Variants in ZNF391 observed in about 807,000 individuals in gnomAD.
ZNF391 encodes the protein zinc finger protein 391.
For missense variants in ZNF391, 375 were observed against 425.5 expected (o/e 0.88, Z 1.04); for synonymous variants, 126 against 142.1 (o/e 0.89, Z 0.80).
chr6:27,385,484 G>A (rs1349809580), upstream of ZNF391, among the ~76,000 whole-genome samples: 1 of 152,092 alleles, frequency 6.6e-6, no homozygotes. Flanking sequence ...GAAAGCAGAA[G>A]TAGCTACATT....
At chr6:27,382,542 T>G (rs1386729634) in intron 1 of ZNF391, among the ~76,000 whole-genome samples, 1 of 152,096 alleles carries the variant, frequency 6.6e-6, no homozygotes, top group Non-Finnish European at 1.5e-5. Flanking sequence ...GGAACCAGAC[T>G]CACATATGGT....
At chr6:27,391,592 C>G (rs937844893) in intron 1 of ZNF391, among the ~76,000 whole-genome samples, 10 of 152,116 alleles carry the variant, frequency 6.6e-5, no homozygotes, top group Non-Finnish European at 1.3e-4. Context: ...AAAATAAAAC[C>G]AAGAGGAGGC....
Position 27,403,584 on chromosome 6 carries a change from A to ATC in ZNF391, c.*2138_*2139insCT, listed in dbSNP as rs1762027234. 2 of 152,246 alleles carry ATC rather than the reference A, an allele frequency of 1.3e-5. No homozygotes were observed. The allele number at this position is 152,246 out of a possible 1,614,324, so 9.4% of individuals were successfully genotyped here. A position where few individuals can be genotyped will look rare whatever the true frequency, so the allele number is the denominator to read the frequency against. ...TCATCCTAAATCTTTTATAAGCCTC[A>ATC]TATAATACATAGTACAATGCCAGCC... is the stretch of plus-strand genomic sequence containing the variant. On this transcript the variant is annotated 3_prime_UTR_variant, in exon 3 of 3. Coordinates refer to ENST00000244576, the MANE Select transcript of ZNF391 (RefSeq NM_001076781.3).
upstream of ZNF391, among the ~76,000 whole-genome samples, chr6:27,386,164 C>A (rs146422498): frequency 1.3e-5 from 2 of 151,986 alleles, no homozygotes; most frequent in East Asian, 3.8e-4. Context: ...TGAATATATA[C>A]ATATTAGAAA....
upstream of ZNF391, among the ~76,000 whole-genome samples, chr6:27,384,192 G>A (rs1226954851): frequency 6.6e-6 from 1 of 152,106 alleles, no homozygotes; most frequent in African/African-American, 2.4e-5. Context: ...GGCTGGGTGT[G>A]GTGGCTCAAG....
intron 1 of ZNF391, among the ~76,000 whole-genome samples, chr6:27,381,636 G>A (rs929747576): frequency 1.3e-5 from 2 of 152,222 alleles, no homozygotes; most frequent in Non-Finnish European, 1.5e-5. Flanking sequence ...CTACTTAGGA[G>A]GCTGAGGTGG....
chr6:27,391,967 C>T (rs528013456), intron 1 of ZNF391, among the ~76,000 whole-genome samples: 13 of 152,246 alleles, frequency 8.5e-5, no homozygotes, highest in Middle Eastern at 3.4e-3. Flanking sequence ...TAGTTCTCTC[C>T]CCTTAGTCTA....
Position 27,400,705 on chromosome 6 carries a change from A to G in ZNF391, c.335A>G (p.Asn112Ser), listed in dbSNP as rs778800610. 1.1e-5 allele frequency: 17 copies of G among 1,613,864 alleles called. No individual in the cohort carries two copies. The South Asian group carries it at 1.8e-4, about 17-fold the overall frequency. ...LFSQRKPCKC[N>S]ECEKAFSYQS... is the part of the protein sequence containing the mutation. ...TCACAAAGAAAACCTTGTAAATGCA[A>G]TGAATGTGAAAAAGCCTTTAGTTAC... Residue 112 changes from asparagine to serine, a missense_variant, in exon 3 of 3, where the codon AAT becomes AGT. By Grantham distance (46) the Asn-to-Ser change is conservative. Coordinates refer to ENST00000244576, the MANE Select transcript of ZNF391 (RefSeq NM_001076781.3).
Position 27,403,227 on chromosome 6 carries a change from A to C in ZNF391, c.*1780A>C, listed in dbSNP as rs1247065526. On this transcript the variant is annotated 3_prime_UTR_variant, in exon 3 of 3. Transcript: ENST00000244576. The stretch of plus-strand genomic sequence containing the variant: ...CTAAAGGTCTTTCATAGTTTGATCT[A>C]CTTACTTACTTCCTTTCTCTTCTCA... 2.0e-5 allele frequency: 3 copies of C among 152,130 alleles called. No homozygotes were observed. Among genetic ancestry groups the C allele is most frequent in the African/African-American group, 7.2e-5 (3 of 41,414 alleles). 9.4% of individuals were successfully genotyped at this position (152,130 alleles called of 1,614,324 possible).
intron 1 of ZNF391, among the ~76,000 whole-genome samples, chr6:27,395,737 T>C (rs985118662): frequency 3.3e-5 from 5 of 152,182 alleles, no homozygotes; most frequent in African/African-American, 1.2e-4. Context: ...TTCTGCCTAC[T>C]TTTAGATATC....
chr6:27,379,631 G>A (rs1761467763), intron 1 of ZNF391, among the ~76,000 whole-genome samples: 2 of 152,046 alleles, frequency 1.3e-5, no homozygotes, highest in South Asian at 4.1e-4. Flanking sequence ...CCATACTTTT[G>A]TGAGTTTTAC....
At chr6:27,392,124 A>G (rs1761727268) in intron 1 of ZNF391, among the ~76,000 whole-genome samples, 1 of 152,236 alleles carries the variant, frequency 6.6e-6, no homozygotes, top group African/African-American at 2.4e-5. Flanking sequence ...GTTTCTATAT[A>G]GCTACCAATG....
At chr6:27,387,460 CAA>C (rs1761601199), upstream of ZNF391, among the ~76,000 whole-genome samples, 1 of 152,066 alleles carries the variant, frequency 6.6e-6, no homozygotes, top group Non-Finnish European at 1.5e-5. Flanking sequence ...AAGTGTTCAA[CAA>C]GAGATTAATG....
In ZNF391 at chr6:27,401,215, G is replaced by C; in HGVS notation, c.845G>C (p.Cys282Ser). The change falls in exon 3 of 3, where the codon TGT (cysteine) becomes TCT (serine). Residue 282 changes from cysteine to serine, a missense_variant. Transcript: ENST00000244576. Reference sequence around the variant, plus strand: ...GAGAACCCCTATGAGTGCAGTGAATGTGGGAAAGTGTTCAGTCGAAGCTCG... The same window carrying C: ...GAGAACCCCTATGAGTGCAGTGAATCTGGGAAAGTGTTCAGTCGAAGCTCG... The part of the protein sequence containing the change: ...TGENPYECSE[C>S]GKVFSRSSSL... The C allele has an allele frequency of 6.2e-7, 1 of 1,613,796 alleles. No homozygotes were observed. Among genetic ancestry groups the C allele is most frequent in the South Asian group, 1.1e-5 (1 of 91,074 alleles).
intron 1 of ZNF391, among the ~76,000 whole-genome samples, chr6:27,398,821 T>C (rs1363535656): frequency 2.0e-5 from 3 of 151,968 alleles, no homozygotes. Context: ...ATCGCGCCAT[T>C]GCACTCGAGC....
In ZNF391 at chr6:27,401,532, T is replaced by C; in HGVS notation, c.*85T>C. The C allele has an allele frequency of 1.9e-6, 2 of 1,030,528 alleles. No individual in the cohort carries two copies. Among genetic ancestry groups the C allele is most frequent in the Middle Eastern group, 2.8e-4 (1 of 3,514 alleles). The allele number at this position is 1,030,528 out of a possible 1,614,324, so 63.8% of individuals were successfully genotyped here. ...AATATATATATTTCAAGTATATATA[T>C]ACTTGTTCTAATTTTCTTTTATTAG... On this transcript the variant is annotated 3_prime_UTR_variant, in exon 3 of 3. Coordinates refer to ENST00000244576, the MANE Select transcript of ZNF391 (RefSeq NM_001076781.3).
intron 2 of ZNF391, among the ~76,000 whole-genome samples, chr6:27,400,046 G>A (rs1180805208): frequency 1.3e-5 from 2 of 152,006 alleles, no homozygotes; most frequent in African/African-American, 4.8e-5. Context: ...CCATTTGTTT[G>A]GGTTAGCATA....
intron 1 of ZNF391, among the ~76,000 whole-genome samples, chr6:27,390,683 A>C (rs2206252): frequency 0.71 from 108,360 of 152,070 alleles, 38,809 homozygotes; most frequent in Middle Eastern, 0.81. Flanking sequence ...CTGAAGGGAG[A>C]CTCATAAATC....
chr6:27,376,117 A>G lies in ZNF391; in HGVS notation n.523+980A>G, dbSNP rs1020619682. Among the ~76,000 whole-genome samples, 2 of 152,206 alleles carry G rather than the reference A, an allele frequency of 1.3e-5. No individual in the cohort carries two copies. The highest frequency in any genetic ancestry group is 2.9e-5 in the Non-Finnish European group (2 of 68,040). ...CTCCAGGCCCTATTTTCCTGCCTCAATAATCACTCTCTTTAAATGTTTATT... is the reference window on the plus strand; with the variant it reads ...CTCCAGGCCCTATTTTCCTGCCTCAGTAATCACTCTCTTTAAATGTTTATT... On this transcript the variant is annotated intron_variant and non_coding_transcript_variant, in intron 1 of 2. Transcript: ENST00000477999. The surrounding 1 kb of genome is among the most constrained non-coding windows in gnomAD (Gnocchi z 4.7).
Sources: gnomAD v4.1 joint callset for allele counts (sites outside exome capture counted in the v4.1 genomes callset) on GRCh38, gnomAD v4.1.1 for gene constraint, Gnocchi (gnomAD v3.1) non-coding constraint, MANE v1.5 for transcripts, NCBI Gene and HGNC (gene_info 2026-07-23, HGNC 2026-07-21) for gene names.